Variants in SLC24A3 observed in about 807,000 individuals in gnomAD.
The protein encoded by SLC24A3 is solute carrier family 24 member 3.
A neutral mutation model predicts 75.8 loss-of-function variants in SLC24A3; 28 were observed. That is an observed-to-expected ratio of 0.37 (90% CI 0.27 to 0.51). SLC24A3 has a LOEUF of 0.51. Among genes scored for constraint, SLC24A3 ranks in the 20% least tolerant of loss-of-function variants. The pLI is 0.94. For missense variants in SLC24A3, 663 were observed against 847.8 expected, an observed-to-expected ratio of 0.78 and a Z score of 2.71; for synonymous variants, 372 against 334.1, an observed-to-expected ratio of 1.11 and a Z score of -1.24.
chr20:19,553,867 A>G (rs1041245846), intron 3 of SLC24A3, among the ~76,000 whole-genome samples: 2 of 152,172 alleles, frequency 1.3e-5, no homozygotes, highest in South Asian at 4.1e-4. Flanking sequence ...CAGCCTGTGC[A>G]TTTTTTGGGT....
intron 4 of SLC24A3, among the ~76,000 whole-genome samples, chr20:19,584,223 C>G (rs1395670184): frequency 2.6e-5 from 4 of 152,158 alleles, no homozygotes; most frequent in African/African-American, 9.7e-5. Flanking sequence ...CTGGAGAGCT[C>G]ATTGTATAAA....
At chr20:19,700,311 A>C (rs1054344800) in intron 15 of SLC24A3, among the ~76,000 whole-genome samples, 1 of 152,184 alleles carries the variant, frequency 6.6e-6, no homozygotes, top group Non-Finnish European at 1.5e-5. Context: ...GGCACAGTCC[A>C]TCCAGTGGTT....
intron 6 of SLC24A3, among the ~76,000 whole-genome samples, chr20:19,604,494 G>C (rs113518616): frequency 1.3e-5 from 2 of 152,174 alleles, no homozygotes; most frequent in African/African-American, 2.4e-5. Context: ...AGGGCTGGGT[G>C]GGGGGTCCTG....
At chr20:19,414,059 T>C (rs1462661895) in intron 2 of SLC24A3, among the ~76,000 whole-genome samples, 1 of 152,222 alleles carries the variant, frequency 6.6e-6, no homozygotes, top group African/African-American at 2.4e-5. Context: ...CAGCATATGA[T>C]ACAATGTCCA....
At chr20:19,280,150 A>G (rs1983616194) in intron 1 of SLC24A3, among the ~76,000 whole-genome samples, 1 of 152,142 alleles carries the variant, frequency 6.6e-6, no homozygotes, top group African/African-American at 2.4e-5. Context: ...AACAGAATGC[A>G]CTGCACTGGC....
intron 1 of SLC24A3, among the ~76,000 whole-genome samples, chr20:19,256,386 A>G (rs1422972927): frequency 6.6e-6 from 1 of 152,142 alleles, no homozygotes; most frequent in Non-Finnish European, 1.5e-5. Flanking sequence ...GGGGTGATGA[A>G]AATATTCTAA....
At position 19,325,795 on chromosome 20, in the gene SLC24A3, T is replaced by TATAG. The variant is rs1251419875; in HGVS notation, c.271+44709_271+44710insTAGA. Among the ~76,000 whole-genome samples, 505 of 67,774 alleles carry TATAG rather than the reference T, an allele frequency of 7.5e-3. 2 individuals are homozygous for TATAG. Among genetic ancestry groups the TATAG allele is most frequent in the Non-Finnish European group, 0.01 (366 of 35,990 alleles). The allele number at this position is 67,774 out of a possible 152,430, so 44.5% of individuals were successfully genotyped here. On this transcript the variant is annotated intron_variant, in intron 2 of 16. Coordinates refer to ENST00000328041, the MANE Select transcript of SLC24A3 (RefSeq NM_020689.4). The stretch of plus-strand genomic sequence containing the variant: ...ATATATACATATATATATATATATA[T>TATAG]AGAGAGAGAGAGAGAGAGAGAGAGA...
At chr20:19,421,381 G>A (rs952792582) in intron 2 of SLC24A3, among the ~76,000 whole-genome samples, 253 of 149,492 alleles carry the variant, frequency 1.7e-3, no homozygotes, top group African/African-American at 5.1e-3. Flanking sequence ...AAAAGTGGGC[G>A]AAGGACATGA....
chr20:19,280,892 A>G lies in SLC24A3; in HGVS notation c.143-67A>G, dbSNP rs1030402449. On this transcript the variant is annotated intron_variant, in intron 1 of 16. Coordinates refer to ENST00000328041, the MANE Select transcript of SLC24A3 (RefSeq NM_020689.4). ...GTGATGGCTGATCAGGGCAGCGGGC[A>G]TGCAGCGTCGGCAGAGGCTGAAACC... The G allele has an allele frequency of 3.9e-6, 6 of 1,557,760 alleles. No homozygotes were observed. In the African/African-American group the frequency reaches 8.1e-5, roughly 21 times the overall value.
chr20:19,428,919 A>G (rs997051514), intron 2 of SLC24A3, among the ~76,000 whole-genome samples: 1 of 152,218 alleles, frequency 6.6e-6, no homozygotes, highest in Non-Finnish European at 1.5e-5. Flanking sequence ...GATATGGCAA[A>G]TGTGTAATAG....
chr20:19,580,154 C>T (rs1250842250), intron 4 of SLC24A3, 80 bp downstream of exon 4: 2 of 1,308,780 alleles, frequency 1.5e-6, no homozygotes, highest in Non-Finnish European at 2.2e-6. Flanking sequence ...GCCTCCTCAC[C>T]AAAGTCCTGG....
chr20:19,221,507 C>T (rs1036406666), intron 1 of SLC24A3, among the ~76,000 whole-genome samples: 2 of 152,164 alleles, frequency 1.3e-5, no homozygotes, highest in Non-Finnish European at 2.9e-5. Flanking sequence ...CTCCAGGTGC[C>T]TCCTACAATA....
chr20:19,533,723 G>T (rs1249469613), intron 3 of SLC24A3, among the ~76,000 whole-genome samples: 1 of 152,208 alleles, frequency 6.6e-6, no homozygotes, highest in Non-Finnish European at 1.5e-5. Flanking sequence ...AGTGCCTAAG[G>T]AGTTTAGATT....
intron 2 of SLC24A3, chr20:19,284,081 C>G (rs540281824): frequency 6.5e-6 from 1 of 152,924 alleles, no homozygotes; most frequent in Non-Finnish European, 1.5e-5. Context: ...TTGACTATTT[C>G]TAACAACAGG....
chr20:19,649,294 A>G (rs1478584141), intron 6 of SLC24A3, among the ~76,000 whole-genome samples: 1 of 152,218 alleles, frequency 6.6e-6, no homozygotes, highest in Non-Finnish European at 1.5e-5. Flanking sequence ...AGGGAACCAC[A>G]TGGAGCCCAG....
intron 2 of SLC24A3, among the ~76,000 whole-genome samples, chr20:19,341,165 T>C (rs1241936316): frequency 6.6e-6 from 1 of 152,236 alleles, no homozygotes; most frequent in Non-Finnish European, 1.5e-5. Flanking sequence ...CGGGAGTTTT[T>C]GAGTCTTCCA....
At chr20:19,680,664 G>T (rs879616792) in intron 9 of SLC24A3, among the ~76,000 whole-genome samples, 4 of 152,194 alleles carry the variant, frequency 2.6e-5, no homozygotes, top group Admixed American at 2.6e-4. Flanking sequence ...GTAACTGCAC[G>T]TTCCTAGAGA....
rs191970890 is a variant in SLC24A3, at chr20:19,250,114, C to T, written c.143-30845C>T. On this transcript the variant is annotated intron_variant, in intron 1 of 16. Coordinates refer to ENST00000328041, the MANE Select transcript of SLC24A3 (RefSeq NM_020689.4). ...TCAACAGCCATGTGTGCAGTGTCCA[C>T]GCTGTGCTGAGCTCAGCACTGGGTG... Among the ~76,000 whole-genome samples the T allele has an allele frequency of 7.2e-5, 11 of 152,322 alleles. No homozygotes were observed. In the East Asian group the frequency reaches 9.6e-4, roughly 13 times the overall value.
chr20:19,607,236 C>T (rs2031608828), intron 6 of SLC24A3, among the ~76,000 whole-genome samples: 1 of 152,148 alleles, frequency 6.6e-6, no homozygotes, highest in Admixed American at 6.5e-5. Flanking sequence ...CTGCTGTACT[C>T]TATGGAATGC....
Sources: allele counts gnomAD v4.1 joint callset (sites outside exome capture counted in the v4.1 genomes callset), GRCh38; gene constraint gnomAD v4.1.1; transcripts MANE v1.5; gene names NCBI Gene and HGNC (gene_info 2026-07-23, HGNC 2026-07-21).